ESRRG: variants seen among roughly 807,000 people sequenced by gnomAD.
ESRRG encodes estrogen related receptor gamma.
ESRRG carries 13 observed loss-of-function variants against 44.0 expected under a neutral mutation model. The observed-to-expected ratio is 0.30, with a 90% CI of 0.19 to 0.47. The LOEUF (loss-of-function observed/expected upper bound fraction) is 0.47, where lower values mean the gene tolerates loss of function less well. Among genes scored for constraint, ESRRG ranks in the 20% least tolerant of loss-of-function variants. The pLI is 1.00. For missense variants in ESRRG, 395 were observed against 580.6 expected (o/e 0.68, Z 3.29); for synonymous variants, 215 against 214.6 (o/e 1.00, Z -0.02).
chr1:216,661,216 T>C (rs1409012475), intron 2 of ESRRG, among the ~76,000 whole-genome samples: 13 of 152,188 alleles, frequency 8.5e-5, no homozygotes, highest in Non-Finnish European at 2.9e-5. Context: ...GTTTTTAAGC[T>C]CTTATAGTAC....
intron 2 of ESRRG, among the ~76,000 whole-genome samples, chr1:216,756,203 T>C (rs72739412): frequency 1.6e-3 from 250 of 151,986 alleles, no homozygotes; most frequent in South Asian, 4.0e-3. Context: ...TTCAATAAAA[T>C]CCATTCTCTT....
chr1:216,594,898 G>C (rs1438280215), intron 3 of ESRRG, among the ~76,000 whole-genome samples: 1 of 152,148 alleles, frequency 6.6e-6, no homozygotes, highest in African/African-American at 2.4e-5. Flanking sequence ...AGAACTTTGG[G>C]ACTCAGTAGT....
chr1:216,829,771 C>T (rs1350242068), intron 2 of ESRRG, among the ~76,000 whole-genome samples: 1 of 152,010 alleles, frequency 6.6e-6, no homozygotes, highest in Non-Finnish European at 1.5e-5. Context: ...CCAGGCTGGT[C>T]TCAAACTCCT....
intron 4 of ESRRG, among the ~76,000 whole-genome samples, chr1:216,566,678 T>C (rs2059736228): frequency 6.6e-6 from 1 of 152,184 alleles, no homozygotes; most frequent in Admixed American, 6.5e-5. Flanking sequence ...TTGCATATTA[T>C]TGTATTATCA....
intron 1 of ESRRG, among the ~76,000 whole-genome samples, chr1:217,121,119 TACACACAC>T (rs71163790): frequency 3.5e-4 from 52 of 148,366 alleles, no homozygotes; most frequent in East Asian, 6.0e-4. Flanking sequence ...TCTTGAAGAA[TACACACAC>T]ACACACACAC....
chr1:216,772,970 T>A (rs886883463), intron 2 of ESRRG, among the ~76,000 whole-genome samples: 1 of 152,054 alleles, frequency 6.6e-6, no homozygotes, highest in Admixed American at 6.6e-5. Context: ...ATTGTTTTTA[T>A]TTGGAATTAC....
intron 2 of ESRRG, among the ~76,000 whole-genome samples, chr1:216,810,146 A>C (rs370432400): frequency 1.1e-4 from 17 of 152,196 alleles, no homozygotes; most frequent in African/African-American, 4.1e-4. Flanking sequence ...AGCAGGGCCA[A>C]ATCACCACTT....
At chr1:216,527,518 G>C (rs1426728372) in intron 5 of ESRRG, among the ~76,000 whole-genome samples, 1 of 144,924 alleles carries the variant, frequency 6.9e-6, no homozygotes, top group Non-Finnish European at 1.6e-5. Context: ...CCCTTTTCCT[G>C]CCATATTTCC....
intron 2 of ESRRG, among the ~76,000 whole-genome samples, chr1:216,921,266 C>G (rs534172294): frequency 2.1e-4 from 32 of 152,240 alleles, no homozygotes; most frequent in Middle Eastern, 3.4e-3. Context: ...TTCTCTGCCT[C>G]TTAGTCGCAT....
intron 3 of ESRRG, among the ~76,000 whole-genome samples, chr1:216,578,179 T>C (rs904890349): frequency 1.3e-5 from 2 of 152,100 alleles, no homozygotes; most frequent in East Asian, 3.9e-4. Context: ...AAAAAATGTT[T>C]CCTCTTAGGA....
At chr1:216,576,987 C>T (rs866795675) in intron 3 of ESRRG, among the ~76,000 whole-genome samples, 6 of 151,770 alleles carry the variant, frequency 4.0e-5, no homozygotes, top group Admixed American at 1.3e-4. Flanking sequence ...TGACAAGCCT[C>T]GAACCTTTTA....
chr1:216,527,983 T>C (rs567201336), intron 5 of ESRRG, among the ~76,000 whole-genome samples: 17 of 150,528 alleles, frequency 1.1e-4, no homozygotes, highest in African/African-American at 4.2e-4. Flanking sequence ...TCCTGCTATG[T>C]CTCCAGCTCC....
chr1:216,723,512 G>A, upstream of ESRRG: 1 of 532,860 alleles, frequency 1.9e-6, no homozygotes, highest in Non-Finnish European at 3.3e-6. Flanking sequence ...AGTCCCACCG[G>A]CCCAGCCGCG....
chr1:216,701,722 T>C (rs2081418185), intron 1 of ESRRG, among the ~76,000 whole-genome samples: 1 of 152,210 alleles, frequency 6.6e-6, no homozygotes, highest in Admixed American at 6.5e-5. Flanking sequence ...TCCATAAAAA[T>C]GCCCATGATT....
At chr1:216,747,450 A>C (rs1434269986) in intron 2 of ESRRG, among the ~76,000 whole-genome samples, 2 of 152,184 alleles carry the variant, frequency 1.3e-5, no homozygotes, top group Non-Finnish European at 2.9e-5. Flanking sequence ...TAGCATCACA[A>C]GGATATAATG....
intron 1 of ESRRG, among the ~76,000 whole-genome samples, chr1:216,958,620 T>C (rs2068423917): frequency 6.6e-6 from 1 of 152,182 alleles, no homozygotes; most frequent in Non-Finnish European, 1.5e-5. Flanking sequence ...AGCGATCTTT[T>C]AAAAATATGT....
At chr1:217,027,808 C>G (rs2081448986) in intron 1 of ESRRG, among the ~76,000 whole-genome samples, 1 of 152,058 alleles carries the variant, frequency 6.6e-6, no homozygotes, top group Admixed American at 6.6e-5. Context: ...ATAAAGTAGA[C>G]AAATAACAAT....
intron 2 of ESRRG, among the ~76,000 whole-genome samples, chr1:216,928,573 C>A (rs1303403494): frequency 2.6e-5 from 4 of 152,130 alleles, no homozygotes; most frequent in African/African-American, 9.7e-5. Context: ...ATTGATGATT[C>A]TTCCATCTAT....
At chr1:216,560,872 GATAGGA>G (rs1464267735) in intron 5 of ESRRG, among the ~76,000 whole-genome samples, 1 of 152,180 alleles carries the variant, frequency 6.6e-6, no homozygotes, top group African/African-American at 2.4e-5. Flanking sequence ...GAGTCAGGCA[GATAGGA>G]ACCAGAAAAG....
Sources: gnomAD v4.1 joint callset for allele counts (sites outside exome capture counted in the v4.1 genomes callset) on GRCh38, gnomAD v4.1.1 for gene constraint, MANE v1.5 for transcripts, NCBI Gene and HGNC (gene_info 2026-07-23, HGNC 2026-07-21) for gene names.